The following ZNF670 variants were observed in gnomAD, a reference collection of about 807,000 sequenced individuals.
ZNF670 encodes zinc finger protein 670.
A neutral mutation model predicts 10.9 loss-of-function variants in ZNF670; 7 were observed. The ratio of observed to expected loss-of-function variants is 0.64; its 90% CI spans 0.36 to 1.20. ZNF670 has a LOEUF of 1.20. Ranked by LOEUF, ZNF670 falls within the 50% of genes most tolerant of loss-of-function variation. The pLI, the probability that ZNF670 is intolerant of heterozygous loss-of-function variation, is 0.02. For synonymous variants in ZNF670, 136 were observed against 152.7 expected (o/e 0.89, Z 0.81); for missense variants, 446 against 458.6 (o/e 0.97, Z 0.25).
chr1:247,046,676 G>A (rs2103056366), intron 1 of ZNF670, among the ~76,000 whole-genome samples: 1 of 152,302 alleles, frequency 6.6e-6, no homozygotes, highest in Middle Eastern at 3.4e-3. Flanking sequence ...TGAGGATGAA[G>A]CCCCCACACA....
At position 247,078,716 on chromosome 1, in the gene ZNF670, G is replaced by T; in HGVS notation, c.-120C>A. ...CCCAGGGATAAGGGGAAGGAGCAGC[G>T]GAGACGCACCGAGCTCGCCACATTC... is the stretch of plus-strand genomic sequence containing the variant. On this transcript the variant is annotated 5_prime_UTR_variant, in exon 1 of 4. Coordinates refer to ENST00000366503, the MANE Select transcript of ZNF670 (RefSeq NM_033213.5). 1 of 1,124,720 alleles carries T rather than the reference G, an allele frequency of 8.9e-7. No homozygotes were observed. The highest frequency in any genetic ancestry group is 1.3e-6 in the Non-Finnish European group (1 of 775,242). 69.7% of individuals were successfully genotyped at this position (1,124,720 alleles called of 1,614,324 possible).
At chr1:247,038,733 G>T in intron 3 of ZNF670, 77 bp downstream of exon 3, 6 of 1,310,168 alleles carry the variant, frequency 4.6e-6, no homozygotes, top group South Asian at 1.3e-5. Flanking sequence ...GTTCTTAGTT[G>T]TTTTGTCTGT....
At chr1:247,070,007 G>C (rs1671078632) in intron 1 of ZNF670, among the ~76,000 whole-genome samples, 1 of 152,116 alleles carries the variant, frequency 6.6e-6, no homozygotes, top group African/African-American at 2.4e-5. Flanking sequence ...TGGATTATTT[G>C]TAATACAAAG....
Position 247,037,515 on chromosome 1 carries a change from C to A in ZNF670, c.1104G>T (p.Lys368Asn). 1 of 1,614,046 alleles carries A rather than the reference C, an allele frequency of 6.2e-7. No individual in the cohort carries two copies. The highest frequency in any genetic ancestry group is 1.3e-5 in the African/African-American group (1 of 75,038). Reference protein sequence around the residue: ...THTGEKPYECKKCGKAFSCSS... With the variant: ...THTGEKPYECNKCGKAFSCSS... ...AACAACTGAAGGCTTTACCACATTTCTTACATTCATAGGGTTTTTCTCCAG... is the reference window on the plus strand; with the variant it reads ...AACAACTGAAGGCTTTACCACATTTATTACATTCATAGGGTTTTTCTCCAG... The change falls in exon 4 of 4, where the codon AAG (lysine) becomes AAT (asparagine). Residue 368 changes from lysine to asparagine, a missense_variant. Transcript: ENST00000366503.
intron 1 of ZNF670, among the ~76,000 whole-genome samples, chr1:247,071,634 G>A (rs533822649): frequency 1.3e-5 from 2 of 151,684 alleles, no homozygotes; most frequent in Admixed American, 6.6e-5. Context: ...AGTTGAATAA[G>A]AAAAAAAGAA....
intron 1 of ZNF670, among the ~76,000 whole-genome samples, chr1:247,055,045 G>A (rs1262671813): frequency 6.6e-6 from 1 of 152,122 alleles, no homozygotes; most frequent in African/African-American, 2.4e-5. Flanking sequence ...AAGGAAACTT[G>A]CACAAACCTC....
At chr1:247,046,562 C>A (rs1415472722) in intron 1 of ZNF670, among the ~76,000 whole-genome samples, 2 of 152,182 alleles carry the variant, frequency 1.3e-5, no homozygotes, top group African/African-American at 4.8e-5. Context: ...TTGGTAGCTT[C>A]CACCTAAATT....
chr1:247,037,697 G>T lies in ZNF670; in HGVS notation c.922C>A (p.Pro308Thr). ...VHERTHSGEK[P>T]YECKQCGKAF... Reference sequence around the variant, plus strand: ...TTACCACATTGTTTACATTCATAGGGCTTTTCTCCACTGTGAGTCCTTTCA... The same window carrying T: ...TTACCACATTGTTTACATTCATAGGTCTTTTCTCCACTGTGAGTCCTTTCA... Residue 308 changes from proline (P) to threonine (T), a missense_variant, in exon 4 of 4, where the codon CCC becomes ACC. Transcript: ENST00000366503. The T allele has an allele frequency of 6.2e-7, 1 of 1,613,880 alleles. No homozygotes were observed. The highest frequency in any genetic ancestry group is 8.5e-7 in the Non-Finnish European group (1 of 1,179,952).
chr1:247,038,823 C>G lies in ZNF670; in HGVS notation c.178G>C (p.Gly60Arg). 6.2e-7 allele frequency: 1 copy of G among 1,612,606 alleles called. No individual in the cohort carries two copies. The change falls in exon 3 of 4, where the codon GGG becomes CGG. Residue 60 changes from glycine (G) to arginine (R), a missense_variant. Physicochemically the swap from Gly to Arg is moderately radical, Grantham distance 125. Coordinates refer to ENST00000366503, the MANE Select transcript of ZNF670 (RefSeq NM_033213.5). ...QNIQDDFKNP[G>R]RNLSSHVVER... ...AATGCAAATTACCTTAGATTTCTCC[C>G]AGGATTTTTGAAGTCATCTTGGATA...
intron 3 of ZNF670, 63 bp downstream of exon 3, chr1:247,038,746 TA>T: frequency 7.0e-7 from 1 of 1,435,688 alleles, no homozygotes. Context: ...TTGTCTGTTT[TA>T]AAAACTTATG....
intron 1 of ZNF670, among the ~76,000 whole-genome samples, chr1:247,054,776 T>A (rs997253892): frequency 2.0e-5 from 3 of 151,936 alleles, no homozygotes; most frequent in African/African-American, 7.3e-5. Context: ...AAAAGCAGAG[T>A]AAAAAGTAAA....
At chr1:247,040,881 G>C (rs1670289196) in intron 1 of ZNF670, among the ~76,000 whole-genome samples, 1 of 152,112 alleles carries the variant, frequency 6.6e-6, no homozygotes, top group South Asian at 2.1e-4. Flanking sequence ...TTTTAGTAGA[G>C]ACAGGGTTTC....
intron 1 of ZNF670, among the ~76,000 whole-genome samples, chr1:247,061,330 G>T (rs1054966382): frequency 1.3e-5 from 2 of 151,732 alleles, no homozygotes; most frequent in African/African-American, 4.8e-5. Context: ...ACAGGCACCC[G>T]CCACCACACC....
In ZNF670 at chr1:247,035,328, G is replaced by A. The variant is rs545326285; in HGVS notation, c.*2121C>T. Reference sequence around the variant, plus strand: ...CATACATTCATAGACAAAAAAGGGAGGGTTCTGTAAACGAGGCTGGTCCAC... The same window carrying A: ...CATACATTCATAGACAAAAAAGGGAAGGTTCTGTAAACGAGGCTGGTCCAC... On this transcript the variant is annotated 3_prime_UTR_variant, in exon 4 of 4. Transcript: ENST00000366503. Among the ~76,000 whole-genome samples the A allele has an allele frequency of 6.6e-6, 1 of 152,160 alleles. No individual in the cohort carries two copies. The highest frequency in any genetic ancestry group is 2.4e-5 in the African/African-American group (1 of 41,432).
chr1:247,049,433 T>C (rs906694010), intron 1 of ZNF670, among the ~76,000 whole-genome samples: 7 of 152,198 alleles, frequency 4.6e-5, no homozygotes, highest in South Asian at 2.1e-4. Context: ...ATCTCACTAA[T>C]GGTATATCAA....
At chr1:247,051,510 T>C (rs1199606875) in intron 1 of ZNF670, among the ~76,000 whole-genome samples, 2 of 152,222 alleles carry the variant, frequency 1.3e-5, no homozygotes, top group African/African-American at 4.8e-5. Flanking sequence ...TTTTCCTTCC[T>C]AGGTTAAATG....
At chr1:247,075,657 C>T (rs981955033) in intron 1 of ZNF670, among the ~76,000 whole-genome samples, 3 of 152,192 alleles carry the variant, frequency 2.0e-5, no homozygotes, top group African/African-American at 7.2e-5. Context: ...TCTCTGCCTG[C>T]AGCCATCCGC....
At chr1:247,077,121 G>T (rs1398790627) in intron 1 of ZNF670, among the ~76,000 whole-genome samples, 1 of 152,196 alleles carries the variant, frequency 6.6e-6, no homozygotes, top group Non-Finnish European at 1.5e-5. Context: ...CTTAATACCA[G>T]CATCTGACTG....
At chr1:247,038,584 A>G (rs1245808187) in intron 3 of ZNF670, among the ~76,000 whole-genome samples, 157 bp from the exon 4 acceptor site, 1 of 152,176 alleles carries the variant, frequency 6.6e-6, no homozygotes, top group African/African-American at 2.4e-5. Flanking sequence ...TATTATCATT[A>G]TTATCATAAT....
Sources: gnomAD v4.1 joint callset for allele counts (sites outside exome capture counted in the v4.1 genomes callset) on GRCh38, gnomAD v4.1.1 for gene constraint, MANE v1.5 for transcripts, NCBI Gene and HGNC (gene_info 2026-07-23, HGNC 2026-07-21) for gene names.